PLPP7: variants seen among roughly 807,000 people sequenced by gnomAD.
The protein encoded by PLPP7 is inactive phospholipid phosphatase 7.
Under a neutral mutation model 16.9 loss-of-function variants are expected in PLPP7, and 11 were observed. The ratio of observed to expected loss-of-function variants is 0.65; its 90% CI spans 0.41 to 1.08. The LOEUF (loss-of-function observed/expected upper bound fraction) is 1.08, where lower values mean the gene tolerates loss of function less well. Ranked by LOEUF, PLPP7 falls within the 50% of genes least tolerant of loss-of-function variation. The pLI, the probability that PLPP7 is intolerant of heterozygous loss-of-function variation, is 0.00. For missense variants in PLPP7, 358 were observed against 397.1 expected (o/e 0.90, Z 0.84); for synonymous variants, 174 against 175.1 (o/e 0.99, Z 0.05).
intron 1 of PLPP7, among the ~76,000 whole-genome samples, chr9:131,291,872 G>A (rs1197046405): frequency 1.3e-5 from 2 of 152,290 alleles, no homozygotes; most frequent in East Asian, 1.9e-4. Flanking sequence ...ATGAGCCACC[G>A]TGCCTGGCCA....
chr9:131,300,035 G>T (rs1338472541), intron 1 of PLPP7, among the ~76,000 whole-genome samples: 1 of 152,236 alleles, frequency 6.6e-6, no homozygotes, highest in Non-Finnish European at 1.5e-5. Flanking sequence ...AGTCCATTTT[G>T]TGCTGCTGTA....
chr9:131,299,352 C>T (rs987009030), intron 1 of PLPP7, among the ~76,000 whole-genome samples: 23 of 64,988 alleles, frequency 3.5e-4, no homozygotes, highest in South Asian at 1.0e-3. Context: ...GGTCTCCTTG[C>T]CCTCCTTGAG....
intron 1 of PLPP7, among the ~76,000 whole-genome samples, chr9:131,300,127 G>C (rs925916889): frequency 1.1e-4 from 17 of 152,200 alleles, no homozygotes; most frequent in African/African-American, 4.1e-4. Context: ...CAAGGCTGAG[G>C]GGCCGCATCT....
intron 1 of PLPP7, among the ~76,000 whole-genome samples, chr9:131,306,094 A>G (rs974817790): frequency 6.6e-6 from 1 of 151,950 alleles, no homozygotes; most frequent in Non-Finnish European, 1.5e-5. Context: ...AAAATTAGCC[A>G]GGCGTAGTGG....
chr9:131,290,286 G>C lies in PLPP7; in HGVS notation c.289G>C (p.Gly97Arg), dbSNP rs1835654239. 6.2e-7 allele frequency: 1 copy of C among 1,612,294 alleles called. No individual in the cohort carries two copies. Among genetic ancestry groups the C allele is most frequent in the African/African-American group, 1.3e-5 (1 of 74,932 alleles). Reference sequence around the variant, plus strand: ...CGATATCTGTATGTCCAAGCGGCTGGGGGTGTGCGCTGGCCGGGCGGCGTC... The same window carrying C: ...CGATATCTGTATGTCCAAGCGGCTGCGGGTGTGCGCTGGCCGGGCGGCGTC... ...AIDICMSKRLGVCAGRAASWA... is the reference protein window; with the variant it reads ...AIDICMSKRLRVCAGRAASWA... Residue 97 changes from glycine to arginine, a missense_variant, in exon 1 of 2, where the codon GGG (glycine) becomes CGG (arginine). Gly to Arg is a moderately radical substitution (Grantham distance 125). Coordinates refer to ENST00000372264, the MANE Select transcript of PLPP7 (RefSeq NM_032728.4). The surrounding 1 kb of genome is among the most constrained non-coding windows in gnomAD (Gnocchi z 4.2).
intron 1 of PLPP7, among the ~76,000 whole-genome samples, chr9:131,298,914 A>AT (rs1223893128): frequency 6.6e-6 from 1 of 152,170 alleles, no homozygotes; most frequent in Non-Finnish European, 1.5e-5. Flanking sequence ...TGCTTCCTGC[A>AT]TGGGGGGTTC....
Position 131,290,336 on chromosome 9 carries a change from C to G in PLPP7, c.339C>G (p.Val113=). 6.2e-7 allele frequency: 1 copy of G among 1,611,296 alleles called. No homozygotes were observed. Among genetic ancestry groups the G allele is most frequent in the Non-Finnish European group, 8.5e-7 (1 of 1,178,936 alleles). Reference sequence around the variant, plus strand: ...CCTGGGCCAGTGCCCGCTCCATGGTCAAGCTCATCGGCATCACGGGCCACG... The same window carrying G: ...CCTGGGCCAGTGCCCGCTCCATGGTGAAGCTCATCGGCATCACGGGCCACG... ...AASWASARSM[V]KLIGITGHGI... Residue 113 remains valine, a synonymous_variant, in exon 1 of 2, where the codon GTC becomes GTG. Transcript: ENST00000372264. This position sits in a 1 kb window ranked among gnomAD's most constrained non-coding sequence, Gnocchi z 4.2.
Position 131,295,551 on chromosome 9 carries a change from G to A in PLPP7, c.451+5103G>A, listed in dbSNP as rs1035125537. Among the ~76,000 whole-genome samples, 1 of 152,156 alleles carries A rather than the reference G, an allele frequency of 6.6e-6. No individual in the cohort carries two copies. Among genetic ancestry groups the A allele is most frequent in the East Asian group, 1.9e-4 (1 of 5,194 alleles). ...TTGAAGTGTACAGTTCAGTGGCATT[G>A]AGTCCATTCACACTGTTGTGCAGCC... On this transcript the variant is annotated intron_variant, in intron 1 of 1. Coordinates refer to ENST00000372264, the MANE Select transcript of PLPP7 (RefSeq NM_032728.4). This position sits in a 1 kb window ranked among gnomAD's most constrained non-coding sequence, Gnocchi z 4.0.
chr9:131,298,857 C>T (rs1346700537), intron 1 of PLPP7, among the ~76,000 whole-genome samples: 2 of 152,246 alleles, frequency 1.3e-5, no homozygotes, highest in Admixed American at 1.3e-4. Flanking sequence ...TTGTTGCCCT[C>T]TGAGGGCCGG....
chr9:131,306,153 C>T (rs1396670277), intron 1 of PLPP7, among the ~76,000 whole-genome samples: 1 of 151,986 alleles, frequency 6.6e-6, no homozygotes, highest in Non-Finnish European at 1.5e-5. Flanking sequence ...AGGAGAATGG[C>T]GTGAACCCAG....
Position 131,293,016 on chromosome 9 carries a change from C to G in PLPP7, c.451+2568C>G, listed in dbSNP as rs1036904060. Reference sequence around the variant, plus strand: ...TCATGTATTGAGCTTTATTATGTACCAAAGACAATGGCATGAACGGCCTGT... The same window carrying G: ...TCATGTATTGAGCTTTATTATGTACGAAAGACAATGGCATGAACGGCCTGT... On this transcript the variant is annotated intron_variant, in intron 1 of 1. Transcript: ENST00000372264. 1.4e-5 allele frequency: 13 copies of G among 947,396 alleles called. No individual in the cohort carries two copies. The African/African-American group carries it at 2.3e-4, about 17-fold the overall frequency. The allele number at this position is 947,396 out of a possible 1,614,324, so 58.7% of individuals were successfully genotyped here. A position where few individuals can be genotyped will look rare whatever the true frequency, so the allele number is the denominator to read the frequency against.
chr9:131,291,559 T>A, intron 1 of PLPP7: 1 of 185,530 alleles, frequency 5.4e-6, no homozygotes. Context: ...TCTTGTTCCT[T>A]TTTTTTTTTT....
Position 131,301,261 on chromosome 9 carries a change from G to T in PLPP7, c.452-6662G>T, listed in dbSNP as rs568780442. Among the ~76,000 whole-genome samples the T allele has an allele frequency of 4.6e-5, 7 of 152,240 alleles. No individual in the cohort carries two copies. The East Asian group carries it at 1.4e-3, about 29-fold the overall frequency. On this transcript the variant is annotated intron_variant, in intron 1 of 1. Coordinates refer to ENST00000372264, the MANE Select transcript of PLPP7 (RefSeq NM_032728.4). ...TGGGCTTACGGGCATGAGCCACCGC[G>T]CTGGCCTCGAAAGGCAGATTTTGAA...
chr9:131,301,813 CTTTTTTTT>C (rs59151233), intron 1 of PLPP7, among the ~76,000 whole-genome samples: 2 of 114,760 alleles, frequency 1.7e-5, no homozygotes, highest in Non-Finnish European at 1.8e-5. Context: ...GGAACTTGTT[CTTTTTTTT>C]TTTTTTTTTT....
chr9:131,291,022 C>T (rs117026216), intron 1 of PLPP7: 42,132 of 1,348,828 alleles, frequency 0.031, 749 homozygotes, highest in Non-Finnish European at 0.035. Flanking sequence ...CTTCCCTGCT[C>T]CTTCCCAGGG....
In PLPP7 at chr9:131,295,125, A is replaced by G. The variant is rs1027321582; in HGVS notation, c.451+4677A>G. 2.0e-5 allele frequency among the ~76,000 whole-genome samples: 3 copies of G among 151,378 alleles called. No homozygotes were observed. The highest frequency in any genetic ancestry group is 4.9e-5 in the African/African-American group (2 of 41,214). ...GTGAGACTCTGTCTAAAAAAAAAGT[A>G]TCTTTATTGAGATTTTCCTGAATAT... is the stretch of plus-strand genomic sequence containing the variant. On this transcript the variant is annotated intron_variant, in intron 1 of 1. Coordinates refer to ENST00000372264, the MANE Select transcript of PLPP7 (RefSeq NM_032728.4). This position sits in a 1 kb window ranked among gnomAD's most constrained non-coding sequence, Gnocchi z 4.0.
chr9:131,292,243 G>T (rs1244140708), intron 1 of PLPP7, among the ~76,000 whole-genome samples: 1 of 152,204 alleles, frequency 6.6e-6, no homozygotes, highest in Non-Finnish European at 1.5e-5. Context: ...GAGGTAGGTT[G>T]CCTGCTGTCA....
chr9:131,291,244 A>G, intron 1 of PLPP7: 1 of 1,342,842 alleles, frequency 7.4e-7, no homozygotes, highest in African/African-American at 1.5e-5. Flanking sequence ...TGCCCCAGGA[A>G]GCTTCCACCC....
At chr9:131,306,773 G>A (rs74730595) in intron 1 of PLPP7, among the ~76,000 whole-genome samples, 2 of 152,196 alleles carry the variant, frequency 1.3e-5, no homozygotes, top group Non-Finnish European at 2.9e-5. Flanking sequence ...GGGCTGGAGA[G>A]AAGGGGATGG....
Sources: allele counts gnomAD v4.1 joint callset (sites outside exome capture counted in the v4.1 genomes callset), GRCh38; gene constraint gnomAD v4.1.1; non-coding constraint Gnocchi (gnomAD v3.1); transcripts MANE v1.5; gene names NCBI Gene and HGNC (gene_info 2026-07-23, HGNC 2026-07-21).